Variants in TMTC1 observed in about 807,000 individuals in gnomAD.
TMTC1 encodes protein O-mannosyl-transferase TMTC1.
Under a neutral mutation model 104.8 loss-of-function variants are expected in TMTC1, and 73 were observed. That is an observed-to-expected ratio of 0.70 (90% confidence interval 0.58 to 0.85). The LOEUF (loss-of-function observed/expected upper bound fraction) is 0.85. Ranked by LOEUF, TMTC1 falls within the 40% of genes least tolerant of loss-of-function variation. TMTC1 has a pLI of 0.00. For missense variants in TMTC1, 1,035 were observed against 1,096.1 expected (o/e 0.94, Z 0.79); for synonymous variants, 434 against 428.7 (o/e 1.01, Z -0.15).
At chr12:29,594,729 T>C (rs114138222) in intron 7 of TMTC1, among the ~76,000 whole-genome samples, 1,841 of 152,280 alleles carry the variant, frequency 0.012, 31 homozygotes, top group African/African-American at 0.043. Context: ...ACGGCCCACT[T>C]TGTAGGGCAC....
chr12:29,552,338 T>C (rs1945127654), intron 10 of TMTC1, among the ~76,000 whole-genome samples: 1 of 152,218 alleles, frequency 6.6e-6, no homozygotes, highest in South Asian at 2.1e-4. Context: ...TTTTAAAAAT[T>C]ATGTTTTAAT....
intron 5 of TMTC1, among the ~76,000 whole-genome samples, chr12:29,741,569 C>G (rs117758840): frequency 6.6e-6 from 1 of 152,120 alleles, no homozygotes; most frequent in African/African-American, 2.4e-5. Context: ...CAAGTAACAC[C>G]CACTAGCCAG....
At chr12:29,516,976 G>T (rs1944005094) in intron 14 of TMTC1, among the ~76,000 whole-genome samples, 1 of 152,120 alleles carries the variant, frequency 6.6e-6, no homozygotes, top group South Asian at 2.1e-4. Context: ...ATTTGCAAAG[G>T]TATTTAGAGA....
At chr12:29,583,660 A>G in intron 7 of TMTC1, 86 bp from the exon 8 acceptor site, 1 of 1,272,252 alleles carries the variant, frequency 7.9e-7, no homozygotes, top group African/African-American at 1.5e-5. Flanking sequence ...CTAACTTTCA[A>G]ATGAAGCTTG....
At chr12:29,600,899 C>A (rs116801313) in intron 7 of TMTC1, among the ~76,000 whole-genome samples, 1 of 152,160 alleles carries the variant, frequency 6.6e-6, no homozygotes, top group East Asian at 1.9e-4. Context: ...GATAATGCTG[C>A]AAGGCATAGA....
At position 29,538,378 on chromosome 12, in the gene TMTC1, CA is replaced by C. The variant is rs1170730868; in HGVS notation, c.1677-2062del. On this transcript the variant is annotated intron_variant, in intron 10 of 17. Coordinates refer to ENST00000539277, the MANE Select transcript of TMTC1 (RefSeq NM_001193451.2). The stretch of plus-strand genomic sequence containing the variant: ...ACTAATTTGGCTATTATCTTATGGT[CA>C]GCAGAACTCTTCCTCCAAAAATGCA... Among the ~76,000 whole-genome samples, 6 of 152,202 alleles carry C rather than the reference CA, an allele frequency of 3.9e-5. No homozygotes were observed. In the South Asian group the frequency reaches 1.0e-3, roughly 26 times the overall value.
intron 5 of TMTC1, among the ~76,000 whole-genome samples, chr12:29,741,087 A>T (rs117115166): frequency 6.6e-6 from 1 of 152,222 alleles, no homozygotes; most frequent in Non-Finnish European, 1.5e-5. Flanking sequence ...CAGTTTGCCA[A>T]TGTGCAACTT....
At chr12:29,712,230 T>C (rs968393514) in intron 5 of TMTC1, among the ~76,000 whole-genome samples, 4 of 152,180 alleles carry the variant, frequency 2.6e-5, no homozygotes, top group Non-Finnish European at 5.9e-5. Context: ...TGTGGTCGTA[T>C]ATGTGTGCAA....
chr12:29,743,630 TG>T (rs1942881735), intron 5 of TMTC1, among the ~76,000 whole-genome samples: 1 of 152,150 alleles, frequency 6.6e-6, no homozygotes, highest in African/African-American at 2.4e-5. Flanking sequence ...AGCAACAACC[TG>T]GAAAGCCCAC....
chr12:29,761,640 TA>T (rs1943352409), intron 2 of TMTC1, among the ~76,000 whole-genome samples: 1 of 151,852 alleles, frequency 6.6e-6, no homozygotes, highest in Admixed American at 6.6e-5. Context: ...TATAGCTTTT[TA>T]AAAATGCTCC....
intron 5 of TMTC1, among the ~76,000 whole-genome samples, chr12:29,676,654 G>A (rs1940736685): frequency 1.3e-5 from 2 of 152,166 alleles, no homozygotes; most frequent in Non-Finnish European, 2.9e-5. Flanking sequence ...GCGATGCACT[G>A]GGCACAGTCT....
intron 8 of TMTC1, among the ~76,000 whole-genome samples, chr12:29,576,860 C>T (rs1426428097): frequency 6.6e-6 from 1 of 152,036 alleles, no homozygotes; most frequent in African/African-American, 2.4e-5. Flanking sequence ...CTGCAGTAAT[C>T]ATTTCACTGT....
intron 5 of TMTC1, among the ~76,000 whole-genome samples, chr12:29,667,814 T>C (rs934044644): frequency 6.6e-6 from 1 of 152,208 alleles, no homozygotes; most frequent in Non-Finnish European, 1.5e-5. Flanking sequence ...GAAGTTTCAA[T>C]TCATTAGTGA....
intron 6 of TMTC1, among the ~76,000 whole-genome samples, chr12:29,620,414 G>A (rs186555435): frequency 1.3e-5 from 2 of 152,204 alleles, no homozygotes; most frequent in African/African-American, 4.8e-5. Context: ...CCAACACAGA[G>A]GGGACTGGCT....
At chr12:29,529,620 T>A (rs143899256) in intron 11 of TMTC1, among the ~76,000 whole-genome samples, 4 of 152,324 alleles carry the variant, frequency 2.6e-5, no homozygotes, top group African/African-American at 9.6e-5. Flanking sequence ...AAGAAACTAT[T>A]CAAGACACAG....
At chr12:29,742,387 T>C (rs994923238) in intron 5 of TMTC1, among the ~76,000 whole-genome samples, 1 of 152,196 alleles carries the variant, frequency 6.6e-6, no homozygotes, top group Non-Finnish European at 1.5e-5. Flanking sequence ...GGCAAATCTT[T>C]AATGACAGGT....
chr12:29,704,732 C>T (rs1941692685), intron 5 of TMTC1, among the ~76,000 whole-genome samples: 1 of 152,116 alleles, frequency 6.6e-6, no homozygotes, highest in Non-Finnish European at 1.5e-5. Flanking sequence ...AGTGTGCTGA[C>T]AGCACATGTG....
rs184727356 is a variant in TMTC1 at position 29,607,835 on chromosome 12, A to G, written c.1129-3536T>C. ...TGAATGTAGTTGGGTCATTACAAAG[A>G]TTTCTTGAAAACCTGAAGTCCATTT... On this transcript the variant is annotated intron_variant, in intron 6 of 17. Coordinates refer to ENST00000539277, the MANE Select transcript of TMTC1 (RefSeq NM_001193451.2). Among the ~76,000 whole-genome samples the G allele has an allele frequency of 2.6e-5, 4 of 152,266 alleles. No homozygotes were observed. The East Asian group carries it at 7.7e-4, about 29-fold the overall frequency.
chr12:29,629,597 A>T (rs1014867132), intron 6 of TMTC1, among the ~76,000 whole-genome samples: 2 of 152,136 alleles, frequency 1.3e-5, no homozygotes, highest in African/African-American at 4.8e-5. Flanking sequence ...CACTCCTTTT[A>T]TATTCTATAC....
Sources: allele counts gnomAD v4.1 joint callset (sites outside exome capture counted in the v4.1 genomes callset), GRCh38; gene constraint gnomAD v4.1.1; transcripts MANE v1.5; gene names NCBI Gene and HGNC (gene_info 2026-07-23, HGNC 2026-07-21).